Variants in OTULIN observed in about 807,000 individuals in gnomAD.
The protein encoded by OTULIN is ubiquitin thioesterase otulin.
In OTULIN, 15 loss-of-function variants were observed where a neutral mutation model predicts 39.6. The observed-to-expected ratio is 0.38, with a 90% CI of 0.25 to 0.58. The LOEUF (loss-of-function observed/expected upper bound fraction) is 0.58, where lower values mean the gene tolerates loss of function less well. OTULIN is among the 20% of genes least tolerant of loss of function. The pLI is 0.66. For synonymous variants in OTULIN, 156 were observed against 170.3 expected (o/e 0.92, Z 0.65); for missense variants, 319 against 445.9 (o/e 0.72, Z 2.56).
the OTULIN span, chr5:14,707,717 A>G: frequency 3.9e-5 from 6 of 152,170 alleles, no homozygotes; most frequent in African/African-American, 1.4e-4. Context: ...TGCTTTTACT[A>G]TTGTAAAGAA....
chr5:14,715,903 A>G, the OTULIN span, among the ~76,000 whole-genome samples: 1 of 152,228 alleles, frequency 6.6e-6, no homozygotes, highest in East Asian at 1.9e-4. Context: ...TTTTCTGACC[A>G]TCCATCTGGC....
chr5:14,697,107 T>G lies in OTULIN; in HGVS notation c.*4059T>G, dbSNP rs1156794005. The G allele has an allele frequency of 6.6e-6, 1 of 152,250 alleles. No individual in the cohort carries two copies. The allele number at this position is 152,250 out of a possible 1,614,324, so 9.4% of individuals were successfully genotyped here. On this transcript the variant is annotated 3_prime_UTR_variant, in exon 7 of 7. Coordinates refer to ENST00000284274, the MANE Select transcript of OTULIN (RefSeq NM_138348.6). ...TTGGTCTGCAGTCACAGCATACCTT[T>G]ATGTGCATGTGTCCTCGCAGCTTGG...
At chr5:14,679,872 G>A (rs1430189580) in intron 3 of OTULIN, among the ~76,000 whole-genome samples, 1 of 152,156 alleles carries the variant, frequency 6.6e-6, no homozygotes, top group African/African-American at 2.4e-5. Flanking sequence ...CTTAGTTCCT[G>A]CCAGAGGTTA....
At position 14,697,728 on chromosome 5, in the gene OTULIN, G is replaced by A. The variant is rs1276316986; in HGVS notation, c.*4680G>A. 1 of 152,118 alleles carries A rather than the reference G, an allele frequency of 6.6e-6. No homozygotes were observed. The highest frequency in any genetic ancestry group is 1.5e-5 in the Non-Finnish European group (1 of 68,022). 9.4% of individuals were successfully genotyped at this position (152,118 alleles called of 1,614,324 possible). On this transcript the variant is annotated 3_prime_UTR_variant, in exon 7 of 7. Coordinates refer to ENST00000284274, the MANE Select transcript of OTULIN (RefSeq NM_138348.6). The stretch of plus-strand genomic sequence containing the variant: ...TAGCATTAATGGAGGAGGACACTGT[G>A]TTTTCTCAATTAATCTCATTGATTT...
At chr5:14,666,455 T>C (rs1735847593) in intron 1 of OTULIN, among the ~76,000 whole-genome samples, 1 of 152,170 alleles carries the variant, frequency 6.6e-6, no homozygotes, top group Non-Finnish European at 1.5e-5. Flanking sequence ...TTCACAGATT[T>C]TTAAAGTGTA....
Position 14,696,257 on chromosome 5 carries a change from A to C in OTULIN, c.*3209A>C, listed in dbSNP as rs1016971415. 4 of 152,224 alleles carry C rather than the reference A, an allele frequency of 2.6e-5. No homozygotes were observed. Among genetic ancestry groups the C allele is most frequent in the Non-Finnish European group, 5.9e-5 (4 of 68,040 alleles). 9.4% of individuals were successfully genotyped at this position (152,224 alleles called of 1,614,324 possible). On this transcript the variant is annotated 3_prime_UTR_variant, in exon 7 of 7. Transcript: ENST00000284274. ...CAGCACTTCTGCCATCTCAGCATCT[A>C]CATAGGACTTACATAGACTTCCTGA...
At chr5:14,689,471 CTAACACA>C (rs1178133658) in intron 5 of OTULIN, among the ~76,000 whole-genome samples, 14 of 152,290 alleles carry the variant, frequency 9.2e-5, no homozygotes, top group African/African-American at 2.9e-4. Flanking sequence ...CACTGAATAC[CTAACACA>C]TTACTTTATT....
At chr5:14,708,112 C>T in the OTULIN span, 3 of 152,216 alleles carry the variant, frequency 2.0e-5, no homozygotes, top group Non-Finnish European at 2.9e-5. Context: ...CACTGACGCC[C>T]TTTGCCACTG....
the OTULIN span, chr5:14,711,396 C>CCCCCAAGACCCCG: frequency 1.7e-6 from 2 of 1,171,334 alleles, no homozygotes; most frequent in Non-Finnish European, 2.6e-6. Flanking sequence ...ACACCGGGGT[C>CCCCCAAGACCCCG]TTGGGGGACC....
At chr5:14,712,240 G>A in the OTULIN span, among the ~76,000 whole-genome samples, 1 of 152,252 alleles carries the variant, frequency 6.6e-6, no homozygotes. Context: ...GGCTCTCTGA[G>A]TGGCCTGGCC....
At chr5:14,665,403 C>T (rs1735810379) in intron 1 of OTULIN, among the ~76,000 whole-genome samples, 1 of 152,250 alleles carries the variant, frequency 6.6e-6, no homozygotes, top group South Asian at 2.1e-4. Context: ...CGACGTCCCA[C>T]CTGTTGGACA....
intron 4 of OTULIN, among the ~76,000 whole-genome samples, chr5:14,682,667 C>T (rs937687805): frequency 2.6e-5 from 4 of 152,170 alleles, no homozygotes; most frequent in African/African-American, 9.7e-5. Context: ...TGTGAGCCTG[C>T]ATGAAATGCG....
At chr5:14,667,045 T>C (rs1321454195) in intron 1 of OTULIN, among the ~76,000 whole-genome samples, 1 of 152,206 alleles carries the variant, frequency 6.6e-6, no homozygotes, top group East Asian at 1.9e-4. Context: ...GCCCAGATAG[T>C]TGGGTTTGCT....
intron 3 of OTULIN, 98 bp downstream of exon 3, chr5:14,678,873 C>A: frequency 2.8e-6 from 2 of 724,380 alleles, no homozygotes; most frequent in Admixed American, 3.2e-5. Flanking sequence ...GTTAAAATGA[C>A]TGCTATAGAC....
intron 4 of OTULIN, among the ~76,000 whole-genome samples, chr5:14,682,458 A>G (rs1410321122): frequency 6.6e-6 from 1 of 152,228 alleles, no homozygotes; most frequent in Non-Finnish European, 1.5e-5. Context: ...CCAGATGATC[A>G]TTAGCATTTT....
Position 14,697,923 on chromosome 5 carries a change from A to AT in OTULIN, c.*4879dup, listed in dbSNP as rs978565204. The AT allele has an allele frequency of 6.6e-6, 1 of 152,210 alleles. No individual in the cohort carries two copies. The highest frequency in any genetic ancestry group is 1.5e-5 in the Non-Finnish European group (1 of 68,036). The allele number at this position is 152,210 out of a possible 1,614,324, so 9.4% of individuals were successfully genotyped here. On this transcript the variant is annotated 3_prime_UTR_variant, in exon 7 of 7. Coordinates refer to ENST00000284274, the MANE Select transcript of OTULIN (RefSeq NM_138348.6). Reference sequence around the variant, plus strand: ...ACTTCAAAGTAATATTTTATACTTAATTTTAGGAGTTTTCATTTACATATT... The same window carrying AT: ...ACTTCAAAGTAATATTTTATACTTAATTTTTAGGAGTTTTCATTTACATATT...
At chr5:14,668,752 G>C (rs1560990556) in intron 1 of OTULIN, among the ~76,000 whole-genome samples, 1 of 152,174 alleles carries the variant, frequency 6.6e-6, no homozygotes, top group Non-Finnish European at 1.5e-5. Context: ...TGTTAGCTTT[G>C]CATATACATT....
chr5:14,677,507 C>A (rs1358711681), intron 2 of OTULIN, among the ~76,000 whole-genome samples: 3 of 152,162 alleles, frequency 2.0e-5, no homozygotes. Context: ...AATTTACCTC[C>A]TTTTCTTCCT....
At chr5:14,714,892 C>T in the OTULIN span, among the ~76,000 whole-genome samples, 4 of 152,230 alleles carry the variant, frequency 2.6e-5, no homozygotes, top group Non-Finnish European at 5.9e-5. Context: ...CTCCTCTGGT[C>T]ACTACTGTAG....
Sources: gnomAD v4.1 joint callset for allele counts (sites outside exome capture counted in the v4.1 genomes callset) on GRCh38, gnomAD v4.1.1 for gene constraint, MANE v1.5 for transcripts, NCBI Gene and HGNC (gene_info 2026-07-23, HGNC 2026-07-21) for gene names.